Variants in ALCAM observed in about 807,000 individuals in gnomAD.
The protein encoded by ALCAM is activated leukocyte cell adhesion molecule.
A neutral mutation model predicts 70.9 loss-of-function variants in ALCAM; 30 were observed. That is an observed-to-expected ratio of 0.42 (90% CI 0.32 to 0.57). The LOEUF (loss-of-function observed/expected upper bound fraction) is 0.57. Ranked by LOEUF, ALCAM falls within the 20% of genes least tolerant of loss-of-function variation. The pLI is 0.11. For missense variants in ALCAM, 591 were observed against 695.1 expected, an observed-to-expected ratio of 0.85 and a Z score of 1.68; for synonymous variants, 249 against 242.5, an observed-to-expected ratio of 1.03 and a Z score of -0.25.
chr3:105,400,895 G>A (rs1302944271), intron 1 of ALCAM, among the ~76,000 whole-genome samples: 1 of 152,154 alleles, frequency 6.6e-6, no homozygotes, highest in African/African-American at 2.4e-5. Flanking sequence ...AATGGGGAAG[G>A]TAATACCTGT....
Position 105,520,317 on chromosome 3 carries a change from C to CA in ALCAM, c.174+157dup, listed in dbSNP as rs1345831070. ...GAAGGTAAAATTGTGTGGAATATGGCAAAAAAATAATTCCTATCTTACATA... is the reference window on the plus strand; with the variant it reads ...GAAGGTAAAATTGTGTGGAATATGGCAAAAAAAATAATTCCTATCTTACATA... On this transcript the variant is annotated intron_variant, in intron 2 of 15. Transcript: ENST00000306107. 6 of 558,996 alleles carry CA rather than the reference C, an allele frequency of 1.1e-5. No individual in the cohort carries two copies. In the East Asian group the frequency reaches 1.5e-4, roughly 14 times the overall value. 34.6% of individuals were successfully genotyped at this position (558,996 alleles called of 1,614,324 possible).
At chr3:105,425,760 A>ATT (rs11456682) in intron 1 of ALCAM, among the ~76,000 whole-genome samples, 2,627 of 146,560 alleles carry the variant, frequency 0.018, 49 homozygotes, top group East Asian at 0.073. Context: ...CATATTTTTA[A>ATT]TTTTTTTTTT....
chr3:105,401,437 T>C (rs1293930222), intron 1 of ALCAM, among the ~76,000 whole-genome samples: 1 of 152,156 alleles, frequency 6.6e-6, no homozygotes, highest in East Asian at 1.9e-4. Context: ...TCAGATAGCA[T>C]TGTCACAAGA....
In ALCAM at chr3:105,446,855, C is replaced by T. The variant is rs772393204; in HGVS notation, c.74-73212C>T. Among the ~76,000 whole-genome samples, 8 of 152,036 alleles carry T rather than the reference C, an allele frequency of 5.3e-5. No homozygotes were observed. The South Asian group carries it at 6.2e-4, about 12-fold the overall frequency. On this transcript the variant is annotated intron_variant, in intron 1 of 15. Coordinates refer to ENST00000306107, the MANE Select transcript of ALCAM (RefSeq NM_001627.4). ...AGAATAGTGGCTCCCAGATCTGGAA[C>T]GTGTACAAGAGGAAGGATGGGGAGA...
chr3:105,433,108 T>A (rs540634391), intron 1 of ALCAM, among the ~76,000 whole-genome samples: 1 of 152,246 alleles, frequency 6.6e-6, no homozygotes. Context: ...CAATGAAAAC[T>A]CTTGCTTATG....
intron 2 of ALCAM, among the ~76,000 whole-genome samples, chr3:105,521,872 G>T (rs1458235133): frequency 3.9e-5 from 6 of 152,124 alleles, no homozygotes; most frequent in Non-Finnish European, 2.9e-5. Context: ...GTTCACTCGA[G>T]GTAACTTTGA....
chr3:105,454,620 A>G (rs139187019), intron 1 of ALCAM, among the ~76,000 whole-genome samples: 1 of 146,168 alleles, frequency 6.8e-6, no homozygotes, highest in African/African-American at 2.5e-5. Flanking sequence ...AATAGCACCT[A>G]GAACAGTATT....
At chr3:105,377,714 A>T (rs1196987402) in intron 1 of ALCAM, among the ~76,000 whole-genome samples, 2 of 152,054 alleles carry the variant, frequency 1.3e-5, no homozygotes, top group African/African-American at 4.8e-5. Flanking sequence ...CTTTCTACAT[A>T]AGATTGCTAA....
At chr3:105,509,831 T>G (rs1022660840) in intron 1 of ALCAM, among the ~76,000 whole-genome samples, 1 of 152,146 alleles carries the variant, frequency 6.6e-6, no homozygotes, top group East Asian at 1.9e-4. Flanking sequence ...CCCCTATGCA[T>G]TCTTCTAAAA....
At chr3:105,517,879 G>C (rs926923370) in intron 1 of ALCAM, among the ~76,000 whole-genome samples, 2 of 152,112 alleles carry the variant, frequency 1.3e-5, no homozygotes, top group African/African-American at 4.8e-5. Context: ...CATTTTAGTA[G>C]GTGCCCATTA....
At chr3:105,484,590 G>A (rs962002019) in intron 1 of ALCAM, among the ~76,000 whole-genome samples, 1 of 152,006 alleles carries the variant, frequency 6.6e-6, no homozygotes, top group Non-Finnish European at 1.5e-5. Context: ...AGCTTTCTGA[G>A]CCAAAGTCAA....
At chr3:105,394,319 C>T (rs1427145244) in intron 1 of ALCAM, among the ~76,000 whole-genome samples, 3 of 151,922 alleles carry the variant, frequency 2.0e-5, no homozygotes, top group Admixed American at 6.6e-5. Context: ...CATAGCTACG[C>T]GGAAGGGACA....
intron 1 of ALCAM, among the ~76,000 whole-genome samples, chr3:105,459,477 C>T (rs1937575367): frequency 1.3e-5 from 2 of 151,928 alleles, no homozygotes; most frequent in Non-Finnish European, 2.9e-5. Context: ...TTAATGTCTA[C>T]TGAAGAAATT....
At chr3:105,457,598 A>G (rs746550483) in intron 1 of ALCAM, among the ~76,000 whole-genome samples, 1 of 152,172 alleles carries the variant, frequency 6.6e-6, no homozygotes, top group Non-Finnish European at 1.5e-5. Context: ...CGAAGAAATC[A>G]GGACACTGAT....
At chr3:105,430,385 C>A (rs1249949547) in intron 1 of ALCAM, among the ~76,000 whole-genome samples, 1 of 151,858 alleles carries the variant, frequency 6.6e-6, no homozygotes, top group African/African-American at 2.4e-5. Context: ...GTTGTTGAAA[C>A]TTTACATTTT....
At chr3:105,412,905 A>G (rs959349230) in intron 1 of ALCAM, among the ~76,000 whole-genome samples, 2 of 152,162 alleles carry the variant, frequency 1.3e-5, no homozygotes, top group African/African-American at 4.8e-5. Flanking sequence ...AAGATTTTAA[A>G]GGAAATGATC....
chr3:105,462,690 A>C (rs1937621099), intron 1 of ALCAM, among the ~76,000 whole-genome samples: 1 of 151,404 alleles, frequency 6.6e-6, no homozygotes, highest in African/African-American at 2.4e-5. Context: ...AAAGTTAATA[A>C]AACATCTAAG....
chr3:105,547,214 T>C lies in ALCAM; in HGVS notation c.1170T>C (p.Tyr390=). 1 of 1,608,828 alleles carries C rather than the reference T, an allele frequency of 6.2e-7. No homozygotes were observed. The highest frequency in any genetic ancestry group is 8.5e-7 in the Non-Finnish European group (1 of 1,177,066). The change falls in exon 10 of 16, where the codon TAT becomes TAC. Residue 390 remains tyrosine, a synonymous_variant. Coordinates refer to ENST00000306107, the MANE Select transcript of ALCAM (RefSeq NM_001627.4). ...SSLHYQDAGN[Y]VCETALQEVE... is the part of the protein sequence containing the mutation. ...TTCATTATCAGGATGCTGGAAACTA[T>C]GTCTGCGAAACTGCTCTGCAGGAGG...
intron 1 of ALCAM, among the ~76,000 whole-genome samples, chr3:105,400,808 T>C (rs1936069808): frequency 6.6e-6 from 1 of 152,178 alleles, no homozygotes. Context: ...GGATTAGATT[T>C]CTACTCAGTT....
Sources: allele counts gnomAD v4.1 joint callset (sites outside exome capture counted in the v4.1 genomes callset), GRCh38; gene constraint gnomAD v4.1.1; transcripts MANE v1.5; gene names NCBI Gene and HGNC (gene_info 2026-07-23, HGNC 2026-07-21).